The following TGFBR3 variants were observed in gnomAD, a reference collection of about 807,000 sequenced individuals.
TGFBR3 encodes transforming growth factor beta receptor 3.
In TGFBR3, 46 loss-of-function variants were observed where a neutral mutation model predicts 87.9. That is an observed-to-expected ratio of 0.52 (90% CI 0.41 to 0.67). The LOEUF is 0.67. Ranked by LOEUF, TGFBR3 falls within the 30% of genes least tolerant of loss-of-function variation. TGFBR3 has a pLI of 0.00. For synonymous variants in TGFBR3, 381 were observed against 391.6 expected, an observed-to-expected ratio of 0.97 and a Z score of 0.32; for missense variants, 866 against 1,041.9, an observed-to-expected ratio of 0.83 and a Z score of 2.32.
At chr1:91,861,442 A>C in intron 2 of TGFBR3, 29 bp downstream of exon 2, 1 of 1,548,670 alleles carries the variant, frequency 6.5e-7, no homozygotes, top group Non-Finnish European at 8.9e-7. Flanking sequence ...AATATATAAC[A>C]AATATGCAAT....
chr1:91,837,134 G>T (rs900795421), intron 2 of TGFBR3, among the ~76,000 whole-genome samples: 1 of 152,004 alleles, frequency 6.6e-6, no homozygotes, highest in Non-Finnish European at 1.5e-5. Context: ...TTTTAAGTCT[G>T]TATTTGTAAA....
At chr1:91,749,689 A>G (rs978549045) in intron 4 of TGFBR3, among the ~76,000 whole-genome samples, 3 of 151,690 alleles carry the variant, frequency 2.0e-5, no homozygotes, top group Non-Finnish European at 2.9e-5. Flanking sequence ...CCTGTGGAGA[A>G]CCCTTACCAA....
chr1:91,806,582 CTGGTACCT>C (rs1338303800), intron 2 of TGFBR3, among the ~76,000 whole-genome samples: 2 of 152,144 alleles, frequency 1.3e-5, no homozygotes, highest in African/African-American at 4.8e-5. Context: ...ACACAAACAT[CTGGTACCT>C]ATTCCACATA....
intron 2 of TGFBR3, among the ~76,000 whole-genome samples, chr1:91,834,153 T>C (rs1272166529): frequency 6.6e-6 from 1 of 152,216 alleles, no homozygotes; most frequent in African/African-American, 2.4e-5. Flanking sequence ...CTTGTTCTTT[T>C]AACACTCAAA....
chr1:91,829,966 G>A (rs1477290014), intron 2 of TGFBR3: 1 of 152,130 alleles, frequency 6.6e-6, no homozygotes, highest in Non-Finnish European at 1.5e-5. Context: ...ACTTAGTGCA[G>A]ACACCTGATT....
Position 91,719,438 on chromosome 1 carries a change from G to A in TGFBR3, c.1440C>T (p.Val480=), listed in dbSNP as rs766616318. The A allele has an allele frequency of 4.3e-6, 7 of 1,614,024 alleles. No individual in the cohort carries two copies. The change falls in exon 10 of 17, where the codon GTC becomes GTT. Residue 480 remains valine, a synonymous_variant. Transcript: ENST00000212355. The part of the protein sequence containing the change: ...FQASGYSGMD[V]TLLDPTCKAK... ...CCTTGCAGGTAGGATCCAACAGGGT[G>A]ACGTCCATCCCCGAGTAGCCACTGG...
At chr1:91,889,735 C>T (rs1047833303), upstream of TGFBR3, among the ~76,000 whole-genome samples, 3 of 152,012 alleles carry the variant, frequency 2.0e-5, no homozygotes, top group South Asian at 2.1e-4. Flanking sequence ...AGTGCAGCAG[C>T]GCGATCTCAG....
intron 3 of TGFBR3, among the ~76,000 whole-genome samples, chr1:91,762,664 T>G (rs1674013559): frequency 6.6e-6 from 1 of 152,246 alleles, no homozygotes; most frequent in Non-Finnish European, 1.5e-5. Context: ...CAAGCAAATC[T>G]GATCTGCCAC....
upstream of TGFBR3, among the ~76,000 whole-genome samples, chr1:91,889,959 G>A (rs1296597471): frequency 6.6e-6 from 1 of 152,166 alleles, no homozygotes; most frequent in Admixed American, 6.5e-5. Flanking sequence ...GCCGTGCCCA[G>A]TTGCCCAACC....
At chr1:91,828,851 A>G (rs1366036324) in intron 2 of TGFBR3, among the ~76,000 whole-genome samples, 1 of 152,144 alleles carries the variant, frequency 6.6e-6, no homozygotes, top group Non-Finnish European at 1.5e-5. Context: ...ATCTAGTCAG[A>G]CCAGGAAGAG....
chr1:91,786,144 C>T (rs1674950543), intron 3 of TGFBR3: 13 of 454,546 alleles, frequency 2.9e-5, no homozygotes, highest in South Asian at 2.0e-4. Context: ...CTAATAGGTG[C>T]TAAAGACATA....
intron 3 of TGFBR3, among the ~76,000 whole-genome samples, chr1:91,791,996 T>C (rs2100993282): frequency 6.6e-6 from 1 of 152,336 alleles, no homozygotes; most frequent in South Asian, 2.1e-4. Context: ...TTCTCCCCAC[T>C]GTGGTCTTTC....
Position 91,719,471 on chromosome 1 carries a change from C to A in TGFBR3, c.1414-7G>T. 6.2e-7 allele frequency: 1 copy of A among 1,613,964 alleles called. No homozygotes were observed. On this transcript the variant is annotated splice_polypyrimidine_tract_variant and splice_region_variant and intron_variant, in intron 9 of 16. Coordinates refer to ENST00000212355, the MANE Select transcript of TGFBR3 (RefSeq NM_003243.5). ...TCCCCGAGTAGCCACTGGCCTAAAA[C>A]AACAACCACCAAAGACATGGTTGGA...
At chr1:91,890,480 C>A (rs538049627), upstream of TGFBR3, among the ~76,000 whole-genome samples, 1 of 120,204 alleles carries the variant, frequency 8.3e-6, no homozygotes. Flanking sequence ...AGTGCAGTGG[C>A]GCCATCTTGG....
At chr1:91,904,767 T>C (rs1295814013) in intron 1 of TGFBR3, among the ~76,000 whole-genome samples, 1 of 152,094 alleles carries the variant, frequency 6.6e-6, no homozygotes, top group African/African-American at 2.4e-5. Flanking sequence ...GGTTTTGTCA[T>C]GTTGGCCAGG....
intron 2 of TGFBR3, among the ~76,000 whole-genome samples, chr1:91,829,369 C>T (rs1439338087): frequency 6.8e-6 from 1 of 148,058 alleles, no homozygotes; most frequent in Non-Finnish European, 1.5e-5. Flanking sequence ...GAGCGAGACT[C>T]GAAGGTCTTC....
rs113200221 is a variant in TGFBR3 at position 91,680,778 on chromosome 1, C to G, written c.*2961G>C. The G allele has an allele frequency of 2.0e-5, 9 of 453,914 alleles. No individual in the cohort carries two copies. The highest frequency in any genetic ancestry group is 3.1e-5 in the Non-Finnish European group (7 of 226,774). The allele number at this position is 453,914 out of a possible 1,614,324, so 28.1% of individuals were successfully genotyped here. On this transcript the variant is annotated 3_prime_UTR_variant, in exon 17 of 17. Transcript: ENST00000212355. ...ACAAAAAGACTGGCACGCGTGTGAGCACCCCACACACACTCACAATCATGC... is the reference window on the plus strand; with the variant it reads ...ACAAAAAGACTGGCACGCGTGTGAGGACCCCACACACACTCACAATCATGC...
chr1:91,793,805 CAAAAAAAAA>C (rs57943201), intron 3 of TGFBR3, among the ~76,000 whole-genome samples: 33 of 99,054 alleles, frequency 3.3e-4, no homozygotes, highest in East Asian at 1.1e-3. Flanking sequence ...GACTCTGTCT[CAAAAAAAAA>C]AAAAAAAAAA....
At position 91,797,433 on chromosome 1, in the gene TGFBR3, T is replaced by C. The variant is rs1359826689; in HGVS notation, c.100A>G (p.Ser34Gly). The C allele has an allele frequency of 1.9e-6, 3 of 1,614,096 alleles. No homozygotes were observed. The highest frequency in any genetic ancestry group is 2.5e-6 in the Non-Finnish European group (3 of 1,180,036). Residue 34 changes from serine (S) to glycine (G), a missense_variant, in exon 3 of 17, where the codon AGT becomes GGT. Transcript: ENST00000212355. ...AAGGCCTGGACAGGATGGGAGGCAC[T>C]GACAGGTGACAGTTCACACAGTGCA... ...PGALCELSPV[S>G]ASHPVQALME...
Sources: gnomAD v4.1 joint callset for allele counts (sites outside exome capture counted in the v4.1 genomes callset) on GRCh38, gnomAD v4.1.1 for gene constraint, MANE v1.5 for transcripts, NCBI Gene and HGNC (gene_info 2026-07-23, HGNC 2026-07-21) for gene names.